RRAS2: variants seen among roughly 807,000 people sequenced by gnomAD.
The protein encoded by RRAS2 is ras-related protein R-Ras2.
In RRAS2, 7 loss-of-function variants were observed where a neutral mutation model predicts 27.6. The ratio of observed to expected loss-of-function variants is 0.25; its 90% CI spans 0.14 to 0.48. The LOEUF (loss-of-function observed/expected upper bound fraction) is 0.48, where lower values mean the gene tolerates loss of function less well. Ranked by LOEUF, RRAS2 falls within the 20% of genes least tolerant of loss-of-function variation. RRAS2 has a pLI of 0.99. For synonymous variants in RRAS2, 86 were observed against 90.9 expected, an observed-to-expected ratio of 0.95 and a Z score of 0.31; for missense variants, 178 against 256.2, an observed-to-expected ratio of 0.69 and a Z score of 2.08.
chr11:14,287,212 A>G (rs1457154728), intron 4 of RRAS2, among the ~76,000 whole-genome samples: 1 of 152,110 alleles, frequency 6.6e-6, no homozygotes, highest in Admixed American at 6.5e-5. Context: ...TTATTCTTTC[A>G]CCACGTCATC....
intron 1 of RRAS2, among the ~76,000 whole-genome samples, chr11:14,347,154 C>A (rs1213332616): frequency 6.6e-6 from 1 of 152,098 alleles, no homozygotes; most frequent in African/African-American, 2.4e-5. Flanking sequence ...CAGAGCAAGA[C>A]CCTGTCTCTA....
chr11:14,330,369 G>A (rs187670815), intron 1 of RRAS2, among the ~76,000 whole-genome samples: 6 of 152,150 alleles, frequency 3.9e-5, no homozygotes, highest in Admixed American at 1.3e-4. Flanking sequence ...AAAATTAGCC[G>A]GGCATGGTGG....
chr11:14,347,298 A>T (rs1848856086), intron 1 of RRAS2, among the ~76,000 whole-genome samples: 1 of 152,240 alleles, frequency 6.6e-6, no homozygotes, highest in African/African-American at 2.4e-5. Flanking sequence ...GATTAATGCC[A>T]ATGGGTATTA....
chr11:14,347,537 A>G (rs1848861831), intron 1 of RRAS2, among the ~76,000 whole-genome samples: 1 of 152,174 alleles, frequency 6.6e-6, no homozygotes, highest in Non-Finnish European at 1.5e-5. Flanking sequence ...AAATCATTTT[A>G]TACAGGGACA....
At chr11:14,312,751 T>C (rs566401359) in intron 1 of RRAS2, among the ~76,000 whole-genome samples, 20 of 152,350 alleles carry the variant, frequency 1.3e-4, no homozygotes, top group Admixed American at 9.2e-4. Flanking sequence ...TATGTTTTAG[T>C]GAAGACATAT....
chr11:14,357,050 T>G (rs1849094581), intron 1 of RRAS2, among the ~76,000 whole-genome samples: 1 of 152,044 alleles, frequency 6.6e-6, no homozygotes, highest in East Asian at 1.9e-4. Flanking sequence ...CCTCCCAAAG[T>G]GCTGGGATTA....
intron 1 of RRAS2, chr11:14,356,664 C>A: frequency 2.4e-6 from 1 of 409,524 alleles, no homozygotes; most frequent in Non-Finnish European, 4.7e-6. Flanking sequence ...TTTATGTACA[C>A]ATATGTCTTC....
chr11:14,301,795 A>G (rs1847712180), intron 1 of RRAS2, among the ~76,000 whole-genome samples: 1 of 152,092 alleles, frequency 6.6e-6, no homozygotes, highest in South Asian at 2.1e-4. Context: ...CCTGGCCAAC[A>G]TGGTGAAACC....
At chr11:14,309,903 T>A (rs1554948626) in intron 1 of RRAS2, among the ~76,000 whole-genome samples, 9 of 152,190 alleles carry the variant, frequency 5.9e-5, no homozygotes. Flanking sequence ...CTGACTTTCA[T>A]ATGAAAAGTA....
At chr11:14,341,744 C>T in intron 1 of RRAS2, 2 of 441,716 alleles carry the variant, frequency 4.5e-6, no homozygotes, top group South Asian at 3.2e-5. Context: ...AGTACATTCT[C>T]TGTTCTTAAT....
chr11:14,295,989 A>G (rs548159363), intron 1 of RRAS2, 134 bp from the exon 2 acceptor site: 15 of 646,242 alleles, frequency 2.3e-5, no homozygotes, highest in African/African-American at 1.1e-4. Flanking sequence ...CCTGGGCAAC[A>G]CAGCAAGACT....
chr11:14,340,977 G>A (rs550670428), intron 1 of RRAS2, among the ~76,000 whole-genome samples: 11 of 152,204 alleles, frequency 7.2e-5, no homozygotes, highest in African/African-American at 2.6e-4. Context: ...CTCTCTCAAA[G>A]GCATAAGTAC....
chr11:14,293,556 G>A (rs1847469175), intron 4 of RRAS2, among the ~76,000 whole-genome samples: 1 of 151,754 alleles, frequency 6.6e-6, no homozygotes, highest in Admixed American at 6.6e-5. Context: ...ATCATCCGCG[G>A]TTTCCCCCAT....
chr11:14,336,652 A>G (rs1351455831), intron 1 of RRAS2, among the ~76,000 whole-genome samples: 3 of 152,236 alleles, frequency 2.0e-5, no homozygotes, highest in African/African-American at 7.2e-5. Context: ...TCAACAAACT[A>G]GAATGCACAA....
chr11:14,316,239 A>G (rs1303989180), intron 1 of RRAS2, among the ~76,000 whole-genome samples: 1 of 152,238 alleles, frequency 6.6e-6, no homozygotes, highest in Admixed American at 6.5e-5. Context: ...ATAAATAAAA[A>G]TATAAAATTC....
At chr11:14,354,355 A>T (rs986458640) in intron 1 of RRAS2, 2 of 152,240 alleles carry the variant, frequency 1.3e-5, no homozygotes, top group African/African-American at 4.8e-5. Flanking sequence ...TTTAAAACAT[A>T]TATGGCCTTT....
chr11:14,343,696 T>C (rs1197353761), intron 1 of RRAS2, among the ~76,000 whole-genome samples: 1 of 150,970 alleles, frequency 6.6e-6, no homozygotes, highest in Non-Finnish European at 1.5e-5. Context: ...TAGCGGGGCA[T>C]GATGGTGCAC....
intron 4 of RRAS2, among the ~76,000 whole-genome samples, chr11:14,291,332 T>C (rs1453088984): frequency 1.3e-5 from 2 of 152,146 alleles, no homozygotes; most frequent in Non-Finnish European, 2.9e-5. Context: ...GTCATGACTT[T>C]AAAAGTGAGA....
At chr11:14,312,161 G>A (rs577038645) in intron 1 of RRAS2, among the ~76,000 whole-genome samples, 12 of 151,962 alleles carry the variant, frequency 7.9e-5, no homozygotes, top group Non-Finnish European at 1.0e-4. Context: ...CACTGTGCCC[G>A]GCCTGAAAAA....
Sources: allele counts gnomAD v4.1 joint callset (sites outside exome capture counted in the v4.1 genomes callset), GRCh38; gene constraint gnomAD v4.1.1; transcripts MANE v1.5; gene names NCBI Gene and HGNC (gene_info 2026-07-23, HGNC 2026-07-21).